Variants in STYK1 observed in about 807,000 individuals in gnomAD.
STYK1 encodes the protein tyrosine-protein kinase STYK1.
Under a neutral mutation model 48.1 loss-of-function variants are expected in STYK1, and 46 were observed. The ratio of observed to expected loss-of-function variants is 0.96; its 90% CI spans 0.75 to 1.22. The LOEUF (loss-of-function observed/expected upper bound fraction) is 1.22, where lower values mean the gene tolerates loss of function less well. STYK1 is among the 50% of genes most tolerant of loss of function. The pLI is 0.00. For synonymous variants in STYK1, 188 were observed against 189.0 expected (o/e 0.99, Z 0.04); for missense variants, 527 against 521.1 (o/e 1.01, Z -0.11).
intron 1 of STYK1, among the ~76,000 whole-genome samples, chr12:10,646,589 C>A (rs1299254627): frequency 1.3e-5 from 2 of 152,172 alleles, no homozygotes; most frequent in Non-Finnish European, 2.9e-5. Flanking sequence ...AATAGAAAAT[C>A]CCATTTTCTG....
At chr12:10,633,757 A>G (rs1947454298) in intron 4 of STYK1, among the ~76,000 whole-genome samples, 2 of 152,168 alleles carry the variant, frequency 1.3e-5, no homozygotes, top group African/African-American at 4.8e-5. Flanking sequence ...AACAGGTTAT[A>G]TGAGGTTTTT....
chr12:10,623,509 CAATTAT>C (rs1319769215), intron 8 of STYK1, among the ~76,000 whole-genome samples: 7 of 151,954 alleles, frequency 4.6e-5, no homozygotes, highest in Non-Finnish European at 1.0e-4. Context: ...CATGTAATTG[CAATTAT>C]ATGTAGTTAT....
rs376155323 is a variant in STYK1, at chr12:10,634,134, C to A, written c.53-10G>T. 3 of 1,583,502 alleles carry A rather than the reference C, an allele frequency of 1.9e-6. No individual in the cohort carries two copies. Among genetic ancestry groups the A allele is most frequent in the Non-Finnish European group, 2.6e-6 (3 of 1,169,710 alleles). ...TGCTTCTCCTGGATGACTGGGTAGG[C>A]GATCACACAGGAAGAGAAGAGAATG... On this transcript the variant is annotated splice_polypyrimidine_tract_variant and intron_variant, in intron 3 of 10. Coordinates refer to ENST00000075503, the MANE Select transcript of STYK1 (RefSeq NM_018423.3).
intron 1 of STYK1, among the ~76,000 whole-genome samples, chr12:10,659,720 A>C (rs1476269695): frequency 1.3e-5 from 2 of 152,216 alleles, no homozygotes; most frequent in Non-Finnish European, 2.9e-5. Context: ...GTTTCATCAG[A>C]GCTAATTTAA....
At chr12:10,621,558 T>C (rs1207108909) in intron 10 of STYK1, among the ~76,000 whole-genome samples, 2 of 152,220 alleles carry the variant, frequency 1.3e-5, no homozygotes, top group Non-Finnish European at 2.9e-5. Context: ...AGTTTACTTG[T>C]TACCTATTTT....
At chr12:10,626,304 T>C (rs1414421202) in intron 7 of STYK1, among the ~76,000 whole-genome samples, 2 of 152,172 alleles carry the variant, frequency 1.3e-5, no homozygotes, top group African/African-American at 2.4e-5. Flanking sequence ...GCCTCTGCAA[T>C]TGCGGTTCTG....
intron 1 of STYK1, among the ~76,000 whole-genome samples, chr12:10,662,015 C>T (rs998876558): frequency 4.6e-5 from 7 of 152,172 alleles, no homozygotes; most frequent in Admixed American, 1.3e-4. Flanking sequence ...CAATCATTCC[C>T]TACTCTGCTC....
chr12:10,633,889 A>T, intron 4 of STYK1, 101 bp downstream of exon 4: 1 of 1,414,114 alleles, frequency 7.1e-7, no homozygotes, highest in Non-Finnish European at 9.6e-7. Context: ...CATTGCAGGT[A>T]CCTAGACTTC....
At chr12:10,634,772 G>T in intron 2 of STYK1, 86 bp from the exon 3 acceptor site, 1 of 738,320 alleles carries the variant, frequency 1.4e-6, no homozygotes, top group Non-Finnish European at 2.2e-6. Context: ...CGCCTCTACA[G>T]ATCACTAGTT....
intron 9 of STYK1, among the ~76,000 whole-genome samples, chr12:10,622,266 G>T (rs1464032078): frequency 6.6e-6 from 1 of 152,278 alleles, no homozygotes; most frequent in Non-Finnish European, 1.5e-5. Context: ...CCATACATGG[G>T]AAAGTGTGCA....
At chr12:10,658,858 T>G (rs1256521117) in intron 1 of STYK1, among the ~76,000 whole-genome samples, 1 of 152,176 alleles carries the variant, frequency 6.6e-6, no homozygotes, top group Non-Finnish European at 1.5e-5. Context: ...TTACATAATA[T>G]TATTGTGTGC....
chr12:10,621,725 G>T (rs1311826256), intron 10 of STYK1, 151 bp downstream of exon 10: 5 of 581,828 alleles, frequency 8.6e-6, no homozygotes, highest in Non-Finnish European at 1.5e-5. Flanking sequence ...TATGAGATAG[G>T]TATATTTTAC....
chr12:10,651,722 C>T (rs1947664427), intron 1 of STYK1, among the ~76,000 whole-genome samples: 1 of 152,206 alleles, frequency 6.6e-6, no homozygotes, highest in African/African-American at 2.4e-5. Flanking sequence ...ATACCACTCG[C>T]ATTTCTGTAT....
chr12:10,672,215 C>T lies in STYK1; in HGVS notation c.-195+1751G>A, dbSNP rs920207274. On this transcript the variant is annotated intron_variant, in intron 1 of 10. Transcript: ENST00000075503. The surrounding 1 kb of genome is among the most constrained non-coding windows in gnomAD (Gnocchi z 4.0). ...CTACTGAACTGTGAGAAAATCATTT[C>T]GTTGTTTAAGCCAGAGGTCACCAAC... is the stretch of plus-strand genomic sequence containing the variant. Among the ~76,000 whole-genome samples, 6 of 152,152 alleles carry T rather than the reference C, an allele frequency of 3.9e-5. No individual in the cohort carries two copies. Among genetic ancestry groups the T allele is most frequent in the Admixed American group, 2.6e-4 (4 of 15,278 alleles).
At chr12:10,660,471 A>AGCAACCCAAAACCCACCTAAACCAAG (rs1236227873) in intron 1 of STYK1, among the ~76,000 whole-genome samples, 18,414 of 57,570 alleles carry the variant, frequency 0.32, 5,921 homozygotes, top group East Asian at 0.72. Flanking sequence ...GGAGGAGGGA[A>AGCAACCCAAAACCCACCTAAACCAAG]ATATGTTAGA....
intron 1 of STYK1, among the ~76,000 whole-genome samples, chr12:10,666,654 T>C (rs1565575918): frequency 1.3e-5 from 2 of 152,152 alleles, no homozygotes; most frequent in Non-Finnish European, 2.9e-5. Context: ...GGGAGGTGAT[T>C]GGATCATGGG....
intron 4 of STYK1, 159 bp downstream of exon 4, chr12:10,633,831 A>G (rs1947455273): frequency 2.3e-6 from 2 of 856,500 alleles, no homozygotes; most frequent in Non-Finnish European, 3.6e-6. Context: ...TTCCTAGAAA[A>G]GAGATCATCC....
intron 1 of STYK1, among the ~76,000 whole-genome samples, chr12:10,645,809 C>A (rs1327636773): frequency 5.3e-4 from 81 of 152,158 alleles, no homozygotes; most frequent in Admixed American, 5.3e-3. Context: ...GGGAGGGACT[C>A]AGTGGGAGGT....
At position 10,621,914 on chromosome 12, in the gene STYK1, C is replaced by T. The variant is rs779912391; in HGVS notation, c.1026G>A (p.Arg342=). Residue 342 remains arginine (R), a synonymous_variant, in exon 10 of 11, where the codon AGG becomes AGA. Coordinates refer to ENST00000075503, the MANE Select transcript of STYK1 (RefSeq NM_018423.3). Reference sequence around the variant, plus strand: ...AGCTACTGGGTCTCTTCATGATTTTCCTTCTTTGGAGATGCTCTAGGATGC... The same window carrying T: ...AGCTACTGGGTCTCTTCATGATTTTTCTTCTTTGGAGATGCTCTAGGATGC... The part of the protein sequence containing the change: ...PTSILEHLQR[R]KIMKRPSSCT... 4.3e-6 allele frequency: 7 copies of T among 1,613,898 alleles called. No homozygotes were observed. The East Asian group carries it at 1.1e-4, about 26-fold the overall frequency.
Sources: allele counts gnomAD v4.1 joint callset (sites outside exome capture counted in the v4.1 genomes callset), GRCh38; gene constraint gnomAD v4.1.1; non-coding constraint Gnocchi (gnomAD v3.1); transcripts MANE v1.5; gene names NCBI Gene and HGNC (gene_info 2026-07-23, HGNC 2026-07-21).